PSMF1: variants seen among roughly 807,000 people sequenced by gnomAD.
PSMF1 encodes the protein proteasome inhibitor PI31 subunit.
In PSMF1, 30 loss-of-function variants were observed where a neutral mutation model predicts 29.3. The ratio of observed to expected loss-of-function variants is 1.02; its 90% CI spans 0.77 to 1.39. The LOEUF (loss-of-function observed/expected upper bound fraction) is 1.39, where lower values mean the gene tolerates loss of function less well. Among genes scored for constraint, PSMF1 ranks in the 40% most tolerant of loss-of-function variants. PSMF1 has a pLI of 0.00. For synonymous variants in PSMF1, 134 were observed against 139.7 expected, an observed-to-expected ratio of 0.96 and a Z score of 0.29; for missense variants, 344 against 357.5, an observed-to-expected ratio of 0.96 and a Z score of 0.31.
Position 1,163,029 on chromosome 20 carries a change from A to G in PSMF1, c.552-101A>G, listed in dbSNP as rs1600176063. The G allele has an allele frequency of 7.8e-7, 1 of 1,281,366 alleles. No homozygotes were observed. Among genetic ancestry groups the G allele is most frequent in the South Asian group, 1.3e-5 (1 of 79,684 alleles). The allele number at this position is 1,281,366 out of a possible 1,614,324, so 79.4% of individuals were successfully genotyped here. The stretch of plus-strand genomic sequence containing the variant: ...GAAATATCCCTTGTGCTATGGTCTC[A>G]TGCAAGGGTTTCCCATGCCTGTGAG... On this transcript the variant is annotated intron_variant, in intron 4 of 6. Transcript: ENST00000335877. The surrounding 1 kb of genome is among the most constrained non-coding windows in gnomAD (Gnocchi z 6.1).
chr20:1,125,467 A>G (rs952313626), intron 1 of PSMF1, 31 bp from the exon 2 acceptor site: 2 of 1,567,378 alleles, frequency 1.3e-6, no homozygotes, highest in Non-Finnish European at 1.7e-6. Context: ...TGAGTTCATG[A>G]TCTTTCTCCT....
chr20:1,127,607 G>T (rs2086175709), intron 3 of PSMF1, 99 bp downstream of exon 3: 1 of 992,884 alleles, frequency 1.0e-6, no homozygotes, highest in South Asian at 1.4e-5. Context: ...TAAGGAAGGT[G>T]AATGGAAGAA....
At chr20:1,128,380 C>G (rs2086187265) in intron 3 of PSMF1, among the ~76,000 whole-genome samples, 1 of 152,190 alleles carries the variant, frequency 6.6e-6, no homozygotes, top group Admixed American at 6.5e-5. Flanking sequence ...TCTCCCTTCT[C>G]CTGTGGTGAG....
intron 1 of PSMF1, among the ~76,000 whole-genome samples, chr20:1,119,442 C>G (rs55761410): frequency 6.6e-6 from 1 of 151,982 alleles, no homozygotes; most frequent in South Asian, 2.1e-4. Flanking sequence ...AGAGTTCACA[C>G]GCCTTTCACC....
chr20:1,165,993 G>A lies in PSMF1; in HGVS notation c.*913G>A. On this transcript the variant is annotated 3_prime_UTR_variant, in exon 7 of 7. Transcript: ENST00000335877. ...CATTTTGATGTCTCATTCTGTGTTT[G>A]GTAACCCCTATAAACTGGGGCAGAG... 7.1e-7 allele frequency: 1 copy of A among 1,411,598 alleles called. No homozygotes were observed. The highest frequency in any genetic ancestry group is 9.2e-7 in the Non-Finnish European group (1 of 1,083,510). 87.4% of individuals were successfully genotyped at this position (1,411,598 alleles called of 1,614,324 possible). A position where few individuals can be genotyped will look rare whatever the true frequency, so the allele number is the denominator to read the frequency against.
intron 3 of PSMF1, among the ~76,000 whole-genome samples, chr20:1,132,241 C>T (rs1324436649): frequency 6.6e-6 from 1 of 151,356 alleles, no homozygotes; most frequent in African/African-American, 2.4e-5. Context: ...GGTTCTGTGC[C>T]TTTTCTTTTT....
chr20:1,145,580 G>A (rs533734785), intron 4 of PSMF1, among the ~76,000 whole-genome samples: 2 of 152,156 alleles, frequency 1.3e-5, no homozygotes, highest in African/African-American at 4.8e-5. Context: ...AGCCAGGCAG[G>A]GGTCGTTAAG....
At chr20:1,144,086 C>T (rs758472810) in intron 4 of PSMF1, among the ~76,000 whole-genome samples, 8 of 151,546 alleles carry the variant, frequency 5.3e-5, no homozygotes, top group Admixed American at 4.6e-4. Flanking sequence ...AGACTCCGTC[C>T]CCCCCAAAAA....
At chr20:1,114,495 G>A (rs1485108954), upstream of PSMF1, among the ~76,000 whole-genome samples, 13 of 139,590 alleles carry the variant, frequency 9.3e-5, no homozygotes, top group Admixed American at 2.8e-4. Context: ...TGTATGCAAA[G>A]CAGTGTTGAA....
In PSMF1 at chr20:1,169,238, T is replaced by G. The variant is rs1422179806; in HGVS notation, c.*4158T>G. Among the ~76,000 whole-genome samples, 1 of 151,986 alleles carries G rather than the reference T, an allele frequency of 6.6e-6. No individual in the cohort carries two copies. The highest frequency in any genetic ancestry group is 1.5e-5 in the Non-Finnish European group (1 of 68,000). Reference sequence around the variant, plus strand: ...CCCTGAATCTGTCCTGGAGGGTGGGTCAAAAGGCAAGGGTGGCAGGTAGGA... The same window carrying G: ...CCCTGAATCTGTCCTGGAGGGTGGGGCAAAAGGCAAGGGTGGCAGGTAGGA... On this transcript the variant is annotated 3_prime_UTR_variant, in exon 7 of 7. Transcript: ENST00000335877.
chr20:1,124,543 AC>A (rs1600141202), intron 1 of PSMF1, among the ~76,000 whole-genome samples: 1 of 70,506 alleles, frequency 1.4e-5, no homozygotes, highest in Non-Finnish European at 2.8e-5. Context: ...CTCCATGCAT[AC>A]TGTATAGAAA....
chr20:1,135,551 G>C (rs1184890982), intron 4 of PSMF1, among the ~76,000 whole-genome samples: 1 of 152,212 alleles, frequency 6.6e-6, no homozygotes, highest in Non-Finnish European at 1.5e-5. Flanking sequence ...GGGCCACACA[G>C]AGCCCCTGAG....
At chr20:1,147,758 G>T (rs1315264192) in intron 4 of PSMF1, among the ~76,000 whole-genome samples, 1 of 152,106 alleles carries the variant, frequency 6.6e-6, no homozygotes, top group African/African-American at 2.4e-5. Flanking sequence ...TAGCTGTGTT[G>T]ACCCTGATTT....
In PSMF1 at chr20:1,128,936, C is replaced by T. The variant is rs997222455; in HGVS notation, c.365+1428C>T. Among the ~76,000 whole-genome samples, 7 of 151,884 alleles carry T rather than the reference C, an allele frequency of 4.6e-5. No homozygotes were observed. The South Asian group carries it at 1.2e-3, about 27-fold the overall frequency. ...TGTCACCCAGGCTGGAGTGCAGTGG[C>T]GCGATCTCGGCTCACTGCAAGCTCT... On this transcript the variant is annotated intron_variant, in intron 3 of 6. Transcript: ENST00000335877.
Position 1,125,649 on chromosome 20 carries a change from T to C in PSMF1, c.281T>C (p.Leu94Pro), listed in dbSNP as rs1471539095. Residue 94 changes from leucine to proline, a missense_variant and splice_region_variant, in exon 2 of 7, where the codon CTG becomes CCG. By Grantham distance (98) the Leu-to-Pro change is moderately conservative (BLOSUM62 -3). Coordinates refer to ENST00000335877, the MANE Select transcript of PSMF1 (RefSeq NM_006814.5). ...TVESSMILNV[L>P]EYGSQQVADL... is the part of the protein sequence containing the mutation. ...GAGAGCAGCATGATCCTCAATGTGC[T>C]GGTGAGTCTCTGGGACACGTGAGTC... The C allele has an allele frequency of 6.2e-7, 1 of 1,610,350 alleles. No homozygotes were observed. Among genetic ancestry groups the C allele is most frequent in the Non-Finnish European group, 8.5e-7 (1 of 1,178,266 alleles).
At chr20:1,135,058 G>T in intron 3 of PSMF1, 63 bp from the exon 4 acceptor site, 1 of 1,570,346 alleles carries the variant, frequency 6.4e-7, no homozygotes, top group South Asian at 1.1e-5. Context: ...GTTGCAGCCA[G>T]AATACCACTT....
At chr20:1,141,452 G>C (rs1006731955) in intron 4 of PSMF1, among the ~76,000 whole-genome samples, 7 of 152,112 alleles carry the variant, frequency 4.6e-5, no homozygotes, top group Non-Finnish European at 7.4e-5. Context: ...CAAGAGAATT[G>C]ATAATAACTG....
intron 2 of PSMF1, chr20:1,125,966 T>C: frequency 2.0e-6 from 1 of 495,820 alleles, no homozygotes; most frequent in Non-Finnish European, 4.0e-6. Flanking sequence ...GTTCCTTAAA[T>C]AAATTGAATT....
upstream of PSMF1, among the ~76,000 whole-genome samples, chr20:1,117,451 C>T (rs554679520): frequency 7.9e-5 from 12 of 151,922 alleles, no homozygotes; most frequent in South Asian, 2.3e-3. Flanking sequence ...TCGATTGATT[C>T]TCATGCCTCA....
Sources: allele counts gnomAD v4.1 joint callset (sites outside exome capture counted in the v4.1 genomes callset), GRCh38; gene constraint gnomAD v4.1.1; non-coding constraint Gnocchi (gnomAD v3.1); transcripts MANE v1.5; gene names NCBI Gene and HGNC (gene_info 2026-07-23, HGNC 2026-07-21).